The following RANBP17 variants were observed in gnomAD, a reference collection of about 807,000 sequenced individuals.
RANBP17 encodes the protein RAN binding protein 17, also known as ran-binding protein 17.
Under a neutral mutation model 141.2 loss-of-function variants are expected in RANBP17, and 158 were observed. The ratio of observed to expected loss-of-function variants is 1.12; its 90% CI spans 0.98 to 1.28. The LOEUF (loss-of-function observed/expected upper bound fraction) is 1.28, where lower values mean the gene tolerates loss of function less well. Ranked by LOEUF, RANBP17 falls within the 50% of genes most tolerant of loss-of-function variation. The pLI, the probability that RANBP17 is intolerant of heterozygous loss-of-function variation, is 0.00. For missense variants in RANBP17, 1,438 were observed against 1,290.7 expected, an observed-to-expected ratio of 1.11 and a Z score of -1.75; for synonymous variants, 430 against 450.0, an observed-to-expected ratio of 0.96 and a Z score of 0.56.
At chr5:171,227,262 G>T (rs1763936631) in intron 22 of RANBP17, among the ~76,000 whole-genome samples, 1 of 152,208 alleles carries the variant, frequency 6.6e-6, no homozygotes, top group Admixed American at 6.5e-5. Flanking sequence ...GCTCTTGAAA[G>T]AAATTAAAAA....
chr5:171,089,426 T>G (rs1055984269), intron 14 of RANBP17, among the ~76,000 whole-genome samples: 1 of 151,988 alleles, frequency 6.6e-6, no homozygotes, highest in Non-Finnish European at 1.5e-5. Flanking sequence ...GTCTGTGCCC[T>G]GCCCCCAGAG....
At chr5:170,897,031 G>T in intron 5 of RANBP17, 1 of 1,008,082 alleles carries the variant, frequency 9.9e-7, no homozygotes, top group Non-Finnish European at 1.5e-6. Context: ...CAGCCAGAAA[G>T]GAATCTATTA....
At chr5:171,049,004 G>A (rs1782776208) in intron 14 of RANBP17, among the ~76,000 whole-genome samples, 1 of 152,152 alleles carries the variant, frequency 6.6e-6, no homozygotes, top group African/African-American at 2.4e-5. Flanking sequence ...CCAATAATGG[G>A]ATTGCTGGGT....
chr5:171,125,296 C>CAAAAAAAAAAAAAAAAAAAAAAA (rs3083436), intron 14 of RANBP17, among the ~76,000 whole-genome samples: 1 of 85,970 alleles, frequency 1.2e-5, no homozygotes, highest in African/African-American at 4.5e-5. Flanking sequence ...GACTATGTAT[C>CAAAAAAAAAAAAAAAAAAAAAAA]AAAAAAAAAA....
intron 18 of RANBP17, among the ~76,000 whole-genome samples, chr5:171,184,538 T>C (rs553506162): frequency 6.6e-6 from 1 of 152,280 alleles, no homozygotes; most frequent in Admixed American, 6.5e-5. Context: ...ATAAGAGATC[T>C]GTTGTACGTA....
rs2128031466 is a variant in RANBP17 at position 171,275,984 on chromosome 5, T to C, written c.2943+10137T>C. Among the ~76,000 whole-genome samples the C allele has an allele frequency of 3.3e-5, 5 of 152,340 alleles. No homozygotes were observed. In the Middle Eastern group the frequency reaches 0.014, roughly 415 times the overall value. On this transcript the variant is annotated intron_variant, in intron 25 of 27. Coordinates refer to ENST00000523189, the MANE Select transcript of RANBP17 (RefSeq NM_022897.5). ...ATCTGCTACTGGTTTATGTAGCCTTTAGGCCGGCACCAGAAACAATCACTC... is the reference window on the plus strand; with the variant it reads ...ATCTGCTACTGGTTTATGTAGCCTTCAGGCCGGCACCAGAAACAATCACTC...
intron 14 of RANBP17, among the ~76,000 whole-genome samples, chr5:171,027,923 G>A (rs1476900927): frequency 6.6e-6 from 1 of 151,812 alleles, no homozygotes; most frequent in African/African-American, 2.4e-5. Context: ...TTTATTTTGA[G>A]TACTTTATTA....
chr5:171,047,445 T>TTG (rs1304453139), intron 14 of RANBP17, among the ~76,000 whole-genome samples: 8 of 150,024 alleles, frequency 5.3e-5, no homozygotes, highest in Non-Finnish European at 1.2e-4. Context: ...TTGTTTTGTT[T>TTG]TTTTTTTTTG....
chr5:171,088,609 G>A (rs950120899), intron 14 of RANBP17, among the ~76,000 whole-genome samples: 2 of 152,164 alleles, frequency 1.3e-5, no homozygotes, highest in African/African-American at 4.8e-5. Flanking sequence ...CCAATCAGAC[G>A]TAGATTTGGT....
At chr5:171,146,069 C>T (rs1334219546) in intron 14 of RANBP17, among the ~76,000 whole-genome samples, 2 of 152,208 alleles carry the variant, frequency 1.3e-5, no homozygotes, top group Non-Finnish European at 2.9e-5. Flanking sequence ...TAAGGAAACA[C>T]AGCCAAGGAG....
rs1223382920 is a variant in RANBP17 at position 170,896,905 on chromosome 5, G to A, written c.489+790G>A. 16 of 616,310 alleles carry A rather than the reference G, an allele frequency of 2.6e-5. No homozygotes were observed. The East Asian group carries it at 5.1e-4, about 20-fold the overall frequency. 38.2% of individuals were successfully genotyped at this position (616,310 alleles called of 1,614,324 possible). On this transcript the variant is annotated intron_variant, in intron 5 of 27. Coordinates refer to ENST00000523189, the MANE Select transcript of RANBP17 (RefSeq NM_022897.5). ...GCAGAGGCCGGCGCGGCTCACAAGC[G>A]CCCCCAGCTGACTATGCACCAGAAT... is the stretch of plus-strand genomic sequence containing the variant.
Position 170,916,474 on chromosome 5 carries a change from TGTTTA to T in RANBP17, c.848_852del (p.Leu283SerfsTer11). The T allele has an allele frequency of 6.4e-7, 1 of 1,557,176 alleles. No homozygotes were observed. Among genetic ancestry groups the T allele is most frequent in the Non-Finnish European group, 8.7e-7 (1 of 1,150,980 alleles). ...TTTTGGTATTTTTTAGGCACTTTCA[TGTTTA>T]GTTCAGTTTGCTTCGACAAGAAGGT... is the stretch of plus-strand genomic sequence containing the variant. On this transcript the variant is annotated frameshift_variant, in exon 9 of 28. Transcript: ENST00000523189. LOFTEE classifies it high-confidence loss of function.
intron 21 of RANBP17, among the ~76,000 whole-genome samples, chr5:171,220,150 T>C (rs1387919906): frequency 6.6e-6 from 1 of 152,152 alleles, no homozygotes; most frequent in East Asian, 1.9e-4. Context: ...AACAGGCCCT[T>C]CTGCAGGTCT....
intron 26 of RANBP17, 48 bp downstream of exon 26, chr5:171,294,029 G>T (rs80296803): frequency 2.2e-6 from 3 of 1,360,614 alleles, no homozygotes; most frequent in Non-Finnish European, 3.2e-6. Flanking sequence ...TGGGAGAAGA[G>T]AGCAGCTATA....
intron 12 of RANBP17, among the ~76,000 whole-genome samples, chr5:170,935,431 T>C (rs1773784159): frequency 6.6e-6 from 1 of 152,206 alleles, no homozygotes; most frequent in Non-Finnish European, 1.5e-5. Flanking sequence ...TTTCTCCCCA[T>C]CTTTGTGGTT....
intron 13 of RANBP17, among the ~76,000 whole-genome samples, chr5:170,958,704 A>G (rs1775920921): frequency 6.6e-6 from 1 of 152,180 alleles, no homozygotes; most frequent in Non-Finnish European, 1.5e-5. Flanking sequence ...AGCTCCTGCC[A>G]AAACTTCATG....
intron 14 of RANBP17, among the ~76,000 whole-genome samples, chr5:170,988,450 C>T (rs1345786365): frequency 6.6e-6 from 1 of 151,054 alleles, no homozygotes; most frequent in East Asian, 1.9e-4. Flanking sequence ...ACCCAAATAC[C>T]AAGTAGATGT....
At chr5:171,052,475 T>C (rs886139492) in intron 14 of RANBP17, among the ~76,000 whole-genome samples, 2 of 152,204 alleles carry the variant, frequency 1.3e-5, no homozygotes, top group African/African-American at 4.8e-5. Context: ...TTGTTGAAGA[T>C]ACTATTCTTT....
chr5:171,088,991 T>C (rs1399575298), intron 14 of RANBP17, among the ~76,000 whole-genome samples: 34 of 149,080 alleles, frequency 2.3e-4, no homozygotes, highest in South Asian at 6.4e-4. Context: ...TCCAGCTTTG[T>C]TCCGTTGCTG....
Sources: allele counts gnomAD v4.1 joint callset (sites outside exome capture counted in the v4.1 genomes callset), GRCh38; gene constraint gnomAD v4.1.1; transcripts MANE v1.5; gene names NCBI Gene and HGNC (gene_info 2026-07-23, HGNC 2026-07-21).